Variants in BCL2A1 observed in about 807,000 individuals in gnomAD.
BCL2A1 encodes the protein BCL2 related protein A1, also known as bcl-2-related protein A1.
Under a neutral mutation model 14.4 loss-of-function variants are expected in BCL2A1, and 10 were observed. The observed-to-expected ratio is 0.69, with a 90% CI of 0.43 to 1.18. The LOEUF (loss-of-function observed/expected upper bound fraction) is 1.18, where lower values mean the gene tolerates loss of function less well. BCL2A1 is among the 50% of genes most tolerant of loss of function. The pLI, the probability that BCL2A1 is intolerant of heterozygous loss-of-function variation, is 0.00. For missense variants in BCL2A1, 158 were observed against 205.0 expected (o/e 0.77, Z 1.40); for synonymous variants, 71 against 76.5 (o/e 0.93, Z 0.38).
At chr15:79,967,807 C>T (rs2035556731) in intron 1 of BCL2A1, 2 of 674,816 alleles carry the variant, frequency 3.0e-6, no homozygotes, top group South Asian at 3.6e-5. Flanking sequence ...AAAAGCACTG[C>T]CTATCGTTGA....
chr15:79,970,903 G>A lies in BCL2A1; in HGVS notation c.217C>T (p.Gln73Ter). The change falls in exon 1 of 2, where the codon CAA (glutamine) becomes TAA (stop). Residue 73 changes from glutamine (Q) to a stop codon, truncating the protein, a stop_gained. Transcript: ENST00000267953. LOFTEE classifies it high-confidence loss of function. ...TCTTCAAACTCCTTTTCCATCACTT[G>A]GTTGAATAGTGTTCTGGCAGTGTCT... Reference protein sequence around the residue: ...SVDTARTLFNQVMEKEFEDGI... With the variant: ...SVDTARTLFN 1.2e-6 allele frequency: 2 copies of A among 1,614,160 alleles called. No homozygotes were observed. The highest frequency in any genetic ancestry group is 8.5e-7 in the Non-Finnish European group (1 of 1,179,996).
intron 1 of BCL2A1, among the ~76,000 whole-genome samples, chr15:79,963,821 C>A (rs1456871312): frequency 2.0e-5 from 3 of 152,052 alleles, no homozygotes; most frequent in Admixed American, 6.6e-5. Context: ...CTCGAAAAAA[C>A]CAAATTGTCT....
At chr15:79,969,181 A>T (rs1353966754) in intron 1 of BCL2A1, among the ~76,000 whole-genome samples, 1 of 152,166 alleles carries the variant, frequency 6.6e-6, no homozygotes, top group African/African-American at 2.4e-5. Flanking sequence ...AGCCCAACAA[A>T]TTAAGAAAAT....
chr15:79,967,221 C>CTTTTT (rs766307327), intron 1 of BCL2A1, among the ~76,000 whole-genome samples: 4 of 115,030 alleles, frequency 3.5e-5, no homozygotes, highest in African/African-American at 1.0e-4. Context: ...TCACATACCG[C>CTTTTT]TTTTTTTTTT....
At chr15:79,969,961 G>C (rs1043851834) in intron 1 of BCL2A1, among the ~76,000 whole-genome samples, 2 of 152,050 alleles carry the variant, frequency 1.3e-5, no homozygotes, top group Non-Finnish European at 2.9e-5. Context: ...ATCCAGCTGT[G>C]TCAGGCTTTT....
chr15:79,967,150 C>A (rs1317172990), intron 1 of BCL2A1, among the ~76,000 whole-genome samples: 2 of 151,816 alleles, frequency 1.3e-5, no homozygotes, highest in Non-Finnish European at 2.9e-5. Flanking sequence ...AGCACTCGAG[C>A]CCAGAAATGA....
At chr15:79,964,228 T>C (rs946602437) in intron 1 of BCL2A1, among the ~76,000 whole-genome samples, 5 of 152,190 alleles carry the variant, frequency 3.3e-5, no homozygotes, top group African/African-American at 1.2e-4. Flanking sequence ...TAAATTCAGC[T>C]ACCTTGGTTA....
rs1256293999 is a variant in BCL2A1, at chr15:79,961,145, A to G, written c.450T>C (p.Pro150=). The change falls in exon 2 of 2, where the codon CCT becomes CCC. Residue 150 remains proline, a synonymous_variant. Transcript: ENST00000267953. ...WENGFVKKFE[P]KSGWMTFLEV... The stretch of plus-strand genomic sequence containing the variant: ...CTAGAAAAGTCATCCAGCCAGATTT[A>G]GGTTCAAACTTCTTTACAAAGCCAT... The G allele has an allele frequency of 1.2e-6, 2 of 1,614,114 alleles. No individual in the cohort carries two copies. Among genetic ancestry groups the G allele is most frequent in the Admixed American group, 3.3e-5 (2 of 60,022 alleles).
chr15:79,967,922 G>GAT (rs2035557621), intron 1 of BCL2A1, among the ~76,000 whole-genome samples: 1 of 141,946 alleles, frequency 7.0e-6, no homozygotes, highest in African/African-American at 2.6e-5. Context: ...CTATTCAGGT[G>GAT]TTTTTTTTAA....
chr15:79,970,798 T>C lies in BCL2A1; in HGVS notation c.322A>G (p.Ile108Val), dbSNP rs2035586149. ...TTATAGGTATCCACATCCGGGGCAA[T>C]TTGCTGTCGTAGAAGTTTCTTGATG... Reference protein sequence around the residue: ...ILIKKLLRQQIAPDVDTYKEI... With the variant: ...ILIKKLLRQQVAPDVDTYKEI... Residue 108 changes from isoleucine to valine, a missense_variant, in exon 1 of 2, where the codon ATT becomes GTT. Transcript: ENST00000267953. 1.2e-6 allele frequency: 2 copies of C among 1,614,118 alleles called. No individual in the cohort carries two copies. Among genetic ancestry groups the C allele is most frequent in the African/African-American group, 1.3e-5 (1 of 74,948 alleles).
intron 1 of BCL2A1, among the ~76,000 whole-genome samples, chr15:79,967,232 T>G (rs1596127068): frequency 6.7e-6 from 1 of 150,310 alleles, no homozygotes; most frequent in Middle Eastern, 3.4e-3. Flanking sequence ...TTTTTTTTTT[T>G]TTTTTTTTTG....
intron 1 of BCL2A1, among the ~76,000 whole-genome samples, chr15:79,969,387 C>G (rs1299144982): frequency 2.0e-5 from 3 of 152,054 alleles, no homozygotes; most frequent in African/African-American, 4.8e-5. Context: ...TACACACACG[C>G]ACAAGGGAAG....
Position 79,971,063 on chromosome 15 carries a change from G to A in BCL2A1, c.57C>T (p.Cys19=), listed in dbSNP as rs377138666. The change falls in exon 1 of 2, where the codon TGC becomes TGT. Residue 19 remains cysteine, a synonymous_variant. Coordinates refer to ENST00000267953, the MANE Select transcript of BCL2A1 (RefSeq NM_004049.4). The part of the protein sequence containing the change: ...IYRLAQDYLQ[C]VLQIPQPGSG... The stretch of plus-strand genomic sequence containing the variant: ...ATCCAGGTTGTGGTATCTGTAGGAC[G>A]CACTGCAGATAGTCCTGAGCCAGCC... 5.6e-6 allele frequency: 9 copies of A among 1,614,038 alleles called. No individual in the cohort carries two copies. Among genetic ancestry groups the A allele is most frequent in the African/African-American group, 4.0e-5 (3 of 74,942 alleles).
intron 1 of BCL2A1, chr15:79,967,826 A>G: frequency 4.9e-6 from 3 of 616,066 alleles, no homozygotes; most frequent in Non-Finnish European, 8.6e-6. Context: ...GACAGAATCA[A>G]TGTCTCATCT....
In BCL2A1 at chr15:79,970,913, T is replaced by C. The variant is rs138534762; in HGVS notation, c.207A>G (p.Thr69=). 6.2e-7 allele frequency: 1 copy of C among 1,614,120 alleles called. No individual in the cohort carries two copies. The highest frequency in any genetic ancestry group is 1.3e-5 in the African/African-American group (1 of 74,946). The change falls in exon 1 of 2, where the codon ACA becomes ACG. Residue 69 remains threonine, a synonymous_variant. Transcript: ENST00000267953. Reference sequence around the variant, plus strand: ...CCTTTTCCATCACTTGGTTGAATAGTGTTCTGGCAGTGTCTACGGACACAA... The same window carrying C: ...CCTTTTCCATCACTTGGTTGAATAGCGTTCTGGCAGTGTCTACGGACACAA... ...VNVVSVDTAR[T]LFNQVMEKEF... is the part of the protein sequence containing the mutation.
intron 1 of BCL2A1, among the ~76,000 whole-genome samples, chr15:79,962,057 A>G (rs1278788530): frequency 6.6e-6 from 1 of 152,218 alleles, no homozygotes; most frequent in Non-Finnish European, 1.5e-5. Context: ...AAAGAATTAG[A>G]AAATTGTTAA....
rs555944078 is a variant in BCL2A1 at position 79,965,360 on chromosome 15, C to T, written c.421-4186G>A. On this transcript the variant is annotated intron_variant, in intron 1 of 1. Transcript: ENST00000267953. ...GCCAGGATGGTCTCGATCTCCTGAC[C>T]TCGTGATCCGCCCGCCTCGGCCTCC... Among the ~76,000 whole-genome samples, 696 of 152,264 alleles carry T rather than the reference C, an allele frequency of 4.6e-3. 10 individuals are homozygous for T. The highest frequency in any genetic ancestry group is 4.0e-3 in the Non-Finnish European group (271 of 68,012).
intron 1 of BCL2A1, among the ~76,000 whole-genome samples, chr15:79,969,337 A>C (rs112932881): frequency 0.023 from 3,463 of 152,270 alleles, 104 homozygotes; most frequent in African/African-American, 0.072. Context: ...TATGTACACC[A>C]TGACCCAGCA....
chr15:79,964,470 AAAAC>A (rs935034819), intron 1 of BCL2A1, among the ~76,000 whole-genome samples: 48 of 152,292 alleles, frequency 3.2e-4, no homozygotes, highest in African/African-American at 1.0e-3. Flanking sequence ...CTGTTTCAAA[AAAAC>A]AAACAAACAA....
Sources: gnomAD v4.1 joint callset for allele counts (sites outside exome capture counted in the v4.1 genomes callset) on GRCh38, gnomAD v4.1.1 for gene constraint, MANE v1.5 for transcripts, NCBI Gene and HGNC (gene_info 2026-07-23, HGNC 2026-07-21) for gene names.